Variants in RNF126 observed in about 807,000 individuals in gnomAD.
The protein encoded by RNF126 is E3 ubiquitin-protein ligase RNF126.
RNF126 carries 20 observed loss-of-function variants against 41.9 expected under a neutral mutation model. The ratio of observed to expected loss-of-function variants is 0.48; its 90% CI spans 0.34 to 0.69. The LOEUF is 0.69. RNF126 is among the 30% of genes least tolerant of loss of function. The probability of loss-of-function intolerance (pLI) is 0.01; values close to 1 mark genes in which losing one functional copy is unlikely to be tolerated. For missense variants in RNF126, 433 were observed against 460.6 expected (o/e 0.94, Z 0.55); for synonymous variants, 239 against 202.9 (o/e 1.18, Z -1.51).
intron 1 of RNF126, among the ~76,000 whole-genome samples, chr19:655,467 C>A: frequency 6.6e-6 from 1 of 151,574 alleles, no homozygotes; most frequent in East Asian, 1.9e-4. Flanking sequence ...GCCCGGGCGA[C>A]AGAGTGACAC....
rs570951403 is a variant in RNF126 at position 648,477 on chromosome 19, G to A, written c.681C>T (p.Leu227=). ...PVTEEHVGSG[L]ECPVCKDDYA... is the part of the protein sequence containing the mutation. ...AGTCGTCCTTGCACACAGGGCACTC[G>A]AGCCCGGAGCCTGCGGGAGTGTGCA... The change falls in exon 8 of 9, where the codon CTC becomes CTT. Residue 227 remains leucine (L), a synonymous_variant. Transcript: ENST00000292363. 5.3e-5 allele frequency: 84 copies of A among 1,574,666 alleles called. No homozygotes were observed. The East Asian group carries it at 8.3e-4, about 16-fold the overall frequency.
chr19:653,932 G>GT (rs2030445088), intron 1 of RNF126, among the ~76,000 whole-genome samples: 1 of 152,216 alleles, frequency 6.6e-6, no homozygotes, highest in Admixed American at 6.5e-5. Flanking sequence ...GCATGGGGGA[G>GT]TGCTGTGAGG....
intron 3 of RNF126, 21 bp downstream of exon 3, chr19:652,212 C>G (rs2030339712): frequency 1.3e-6 from 2 of 1,511,276 alleles, no homozygotes; most frequent in Non-Finnish European, 1.8e-6. Context: ...GATCGGGAAG[C>G]ACGAGGGGCG....
At chr19:662,266 C>T (rs1243888006) in intron 1 of RNF126, among the ~76,000 whole-genome samples, 1 of 152,232 alleles carries the variant, frequency 6.6e-6, no homozygotes, top group Non-Finnish European at 1.5e-5. Context: ...TCCCACCTCC[C>T]CCAAGGTGAC....
At chr19:650,583 AC>A in intron 4 of RNF126, 15 of 126,900 alleles carry the variant, frequency 1.2e-4, no homozygotes, top group Admixed American at 2.6e-4. Context: ...ACTCTCGGCT[AC>A]TTTTTTTTTT....
Position 651,826 on chromosome 19 carries a change from C to A in RNF126, c.228G>T (p.Pro76=). The change falls in exon 4 of 9, where the codon CCG becomes CCT. Residue 76 remains proline (P), a synonymous_variant. Coordinates refer to ENST00000292363, the MANE Select transcript of RNF126 (RefSeq NM_194460.3). ...CGAAAGCAAACTGTCCGTAGCCCTG[C>A]GGCAGCGTGAACAGGTGCTGGTCCA... The part of the protein sequence containing the change: ...EHVDQHLFTL[P]QGYGQFAFGI... The A allele has an allele frequency of 6.2e-7, 1 of 1,611,768 alleles. No individual in the cohort carries two copies. Among genetic ancestry groups the A allele is most frequent in the Non-Finnish European group, 8.5e-7 (1 of 1,179,444 alleles).
chr19:652,828 G>C lies in RNF126; in HGVS notation c.132C>G (p.Thr44=), dbSNP rs1272723189. The C allele has an allele frequency of 6.2e-7, 1 of 1,612,804 alleles. No individual in the cohort carries two copies. The highest frequency in any genetic ancestry group is 1.7e-5 in the Admixed American group (1 of 59,932). ...SGFIEELPEE[T]RSTENGSAPS... is the part of the protein sequence containing the mutation. ...TCTTCAACAGGGGGCTGCATTACCT[G>C]GTCTCTTCCGGAAGCTCCTCGATAA... The change falls in exon 2 of 9, where the codon ACC becomes ACG. Residue 44 remains threonine, a splice_region_variant and synonymous_variant. Transcript: ENST00000292363.
chr19:653,199 A>C (rs2030407274), intron 1 of RNF126, among the ~76,000 whole-genome samples: 1 of 151,502 alleles, frequency 6.6e-6, no homozygotes, highest in Non-Finnish European at 1.5e-5. Flanking sequence ...GGGCGTCACC[A>C]GTGCCTGGGC....
In RNF126 at chr19:659,075, C is replaced by G. The variant is rs770112242; in HGVS notation, c.75+3972G>C. Among the ~76,000 whole-genome samples, 5 of 152,204 alleles carry G rather than the reference C, an allele frequency of 3.3e-5. No homozygotes were observed. The highest frequency in any genetic ancestry group is 7.3e-5 in the Non-Finnish European group (5 of 68,030). ...ACAGGGTGCTGCAGGGAGCCCGTTC[C>G]GGAGAACCCAGCTGTGCAGAGCCGC... On this transcript the variant is annotated intron_variant, in intron 1 of 8. Transcript: ENST00000292363. This position sits in a 1 kb window ranked among gnomAD's most constrained non-coding sequence, Gnocchi z 4.9.
At position 659,268 on chromosome 19, in the gene RNF126, CG is replaced by C. The variant is rs2030692244; in HGVS notation, c.75+3778del. On this transcript the variant is annotated intron_variant, in intron 1 of 8. Transcript: ENST00000292363. This position sits in a 1 kb window ranked among gnomAD's most constrained non-coding sequence, Gnocchi z 4.9. ...GGGACCAGGAGAAGACAGGGTGGGCCGGGGGGCAGCTGGGGAGACTTCCCGC... is the reference window on the plus strand; with the variant it reads ...GGGACCAGGAGAAGACAGGGTGGGCCGGGGGCAGCTGGGGAGACTTCCCGC... 6.6e-6 allele frequency among the ~76,000 whole-genome samples: 1 copy of C among 152,206 alleles called. No individual in the cohort carries two copies. Among genetic ancestry groups the C allele is most frequent in the African/African-American group, 2.4e-5 (1 of 41,526 alleles).
Position 648,532 on chromosome 19 carries a change from G to A in RNF126, c.671-45C>T, listed in dbSNP as rs780325896. ...CGGTCACAGCGGGCGTGGGGGGCCT[G>A]CCGAGCCTTCAAGGGCAGGCTACTC... On this transcript the variant is annotated intron_variant, in intron 7 of 8. Transcript: ENST00000292363. 1.4e-5 allele frequency: 21 copies of A among 1,464,998 alleles called. No homozygotes were observed. In the South Asian group the frequency reaches 2.2e-4, roughly 15 times the overall value. 90.7% of individuals were successfully genotyped at this position (1,464,998 alleles called of 1,614,324 possible). A position where few individuals can be genotyped will look rare whatever the true frequency, so the allele number is the denominator to read the frequency against.
Position 648,216 on chromosome 19 carries a change from G to A in RNF126, c.848C>T (p.Pro283Leu). 1.2e-6 allele frequency: 2 copies of A among 1,603,218 alleles called. No homozygotes were observed. Among genetic ancestry groups the A allele is most frequent in the Non-Finnish European group, 1.7e-6 (2 of 1,175,050 alleles). ...GGAGAAGCTCACCCCAGTGAGGCCA[G>A]GGGGGTTCGTGGCCGTGTTCTGTCC... is the stretch of plus-strand genomic sequence containing the variant. ...LTGQNTATNP[P>L]GLTGVSFSSS... Residue 283 changes from proline (P) to leucine (L), a missense_variant, in exon 9 of 9, where the codon CCT (proline) becomes CTT (leucine). Around this residue, in one of 5 missense-constraint regions of RNF126, gnomAD observed 63 missense variants for 47.9 expected, o/e 1.32. Transcript: ENST00000292363.
At position 648,161 on chromosome 19, in the gene RNF126, C is replaced by A. The variant is rs912298709; in HGVS notation, c.903G>T (p.Ser301=). 3.1e-6 allele frequency: 5 copies of A among 1,601,344 alleles called. No homozygotes were observed. Among genetic ancestry groups the A allele is most frequent in the Non-Finnish European group, 4.3e-6 (5 of 1,171,996 alleles). ...SSSSSSSSSS[S]PSNENATSNS ...TGCTTGTGGCGTTCTCGTTGCTGGG[C>A]GAGCTGGAGGAGGACGATGACGACG... Residue 301 remains serine (S), a synonymous_variant, in exon 9 of 9, where the codon TCG becomes TCT. Coordinates refer to ENST00000292363, the MANE Select transcript of RNF126 (RefSeq NM_194460.3).
Position 651,829 on chromosome 19 carries a change from C to T in RNF126, c.225G>A (p.Leu75=), listed in dbSNP as rs755134546. 17 of 1,611,482 alleles carry T rather than the reference C, an allele frequency of 1.1e-5. No individual in the cohort carries two copies. The highest frequency in any genetic ancestry group is 1.6e-4 in the Middle Eastern group (1 of 6,078). ...LEHVDQHLFT[L]PQGYGQFAFG... is the part of the protein sequence containing the mutation. ...AAGCAAACTGTCCGTAGCCCTGCGG[C>T]AGCGTGAACAGGTGCTGGTCCACGT... Residue 75 remains leucine (L), a synonymous_variant, in exon 4 of 9, where the codon CTG becomes CTA. Coordinates refer to ENST00000292363, the MANE Select transcript of RNF126 (RefSeq NM_194460.3).
chr19:652,106 C>G, intron 3 of RNF126, 127 bp downstream of exon 3: 1 of 883,408 alleles, frequency 1.1e-6, no homozygotes, highest in Non-Finnish European at 1.6e-6. Flanking sequence ...GCCCGGGCCC[C>G]TGGAGGGAAA....
At position 648,364 on chromosome 19, in the gene RNF126, G is replaced by GGGGGGGGGGGGGGGGGGGGGGCCCC; in HGVS notation, c.786+7_786+8insGGGGCCCCCCCCCCCCCCCCCCCCC. ...CGGGGTGGGGGGGCGGGTGGGCGGGGCACTCACCTGCTCCAGCCAGGGCAC... is the reference window on the plus strand; with the variant it reads ...CGGGGTGGGGGGGCGGGTGGGCGGGGGGGGGGGGGGGGGGGGGGGGGCCCCCACTCACCTGCTCCAGCCAGGGCAC... On this transcript the variant is annotated splice_region_variant and intron_variant, in intron 8 of 8. Transcript: ENST00000292363. 3.9e-6 allele frequency: 2 copies of GGGGGGGGGGGGGGGGGGGGGGCCCC among 510,484 alleles called. No individual in the cohort carries two copies. The highest frequency in any genetic ancestry group is 6.4e-5 in the East Asian group (1 of 15,576). The allele number at this position is 510,484 out of a possible 1,614,324, so 31.6% of individuals were successfully genotyped here.
chr19:655,013 AG>A (rs896390422), intron 1 of RNF126, among the ~76,000 whole-genome samples: 1 of 131,600 alleles, frequency 7.6e-6, no homozygotes, highest in African/African-American at 3.0e-5. Flanking sequence ...AAAGAAAGAA[AG>A]AAAAAAAAGC....
intron 2 of RNF126, 55 bp downstream of exon 2, chr19:652,771 C>T (rs2030381009): frequency 3.2e-6 from 5 of 1,550,874 alleles, no homozygotes; most frequent in African/African-American, 2.7e-5. Context: ...CACACCCCTA[C>T]AACAGCTGAG....
Position 648,225 on chromosome 19 carries a change from G to A in RNF126, c.839C>T (p.Thr280Met), listed in dbSNP as rs905261118. ...RKSLTGQNTA[T>M]NPPGLTGVSF... Reference sequence around the variant, plus strand: ...CACCCCAGTGAGGCCAGGGGGGTTCGTGGCCGTGTTCTGTCCCGTGAGGCT... The same window carrying A: ...CACCCCAGTGAGGCCAGGGGGGTTCATGGCCGTGTTCTGTCCCGTGAGGCT... The change falls in exon 9 of 9, where the codon ACG (threonine) becomes ATG (methionine). Residue 280 changes from threonine to methionine, a missense_variant. Thr to Met is a moderately conservative substitution (Grantham distance 81). Around this residue, in one of 5 missense-constraint regions of RNF126, gnomAD observed 63 missense variants for 47.9 expected, o/e 1.32. Coordinates refer to ENST00000292363, the MANE Select transcript of RNF126 (RefSeq NM_194460.3). The A allele has an allele frequency of 2.3e-5, 36 of 1,599,494 alleles. No homozygotes were observed. The highest frequency in any genetic ancestry group is 1.6e-4 in the Middle Eastern group (1 of 6,066).
Sources: gnomAD v4.1 joint callset for allele counts (sites outside exome capture counted in the v4.1 genomes callset) on GRCh38, gnomAD v4.1.1 for gene constraint, gnomAD v4.1.1 regional missense constraint, Gnocchi (gnomAD v3.1) non-coding constraint, MANE v1.5 for transcripts, NCBI Gene and HGNC (gene_info 2026-07-23, HGNC 2026-07-21) for gene names.